TBCE: variants seen among roughly 807,000 people sequenced by gnomAD.
TBCE encodes tubulin-specific chaperone E.
TBCE carries 53 observed loss-of-function variants against 77.0 expected under a neutral mutation model. The ratio of observed to expected loss-of-function variants is 0.69; its 90% confidence interval spans 0.55 to 0.87. TBCE has a LOEUF of 0.87. Among genes scored for constraint, TBCE ranks in the 40% least tolerant of loss-of-function variants. The pLI is 0.00. For synonymous variants in TBCE, 235 were observed against 241.3 expected (o/e 0.97, Z 0.24); for missense variants, 624 against 622.4 (o/e 1.00, Z -0.03).
intron 5 of TBCE, among the ~76,000 whole-genome samples, chr1:235,420,296 T>C (rs376584241): frequency 1.1e-3 from 172 of 151,364 alleles, no homozygotes; most frequent in African/African-American, 4.0e-3. Flanking sequence ...GCTTCAGCCC[T>C]GGTCTGTTTT....
At chr1:235,385,724 A>T (rs1265304207) in intron 2 of TBCE, among the ~76,000 whole-genome samples, 2 of 151,904 alleles carry the variant, frequency 1.3e-5, no homozygotes, top group African/African-American at 4.8e-5. Flanking sequence ...TGCCTGTGAG[A>T]TGGGTTTCCT....
At chr1:235,441,962 T>C (rs1681906245) in intron 14 of TBCE, 80 bp downstream of exon 14, 11 of 1,281,114 alleles carry the variant, frequency 8.6e-6, no homozygotes, top group Non-Finnish European at 1.1e-5. Flanking sequence ...CTCTTAAGTG[T>C]GTACCTCTTA....
chr1:235,418,172 C>T (rs1048844970), intron 4 of TBCE, among the ~76,000 whole-genome samples: 2 of 152,070 alleles, frequency 1.3e-5, no homozygotes, highest in African/African-American at 4.8e-5. Flanking sequence ...AATTTCCTTC[C>T]TTTTTTTTAA....
At chr1:235,382,473 C>A (rs1435477062) in intron 2 of TBCE, among the ~76,000 whole-genome samples, 1 of 152,092 alleles carries the variant, frequency 6.6e-6, no homozygotes, top group East Asian at 1.9e-4. Flanking sequence ...CTCTCCAGCA[C>A]CTGTTGTTTC....
intron 3 of TBCE, among the ~76,000 whole-genome samples, chr1:235,410,786 T>C (rs1031870109): frequency 3.4e-4 from 51 of 152,202 alleles, no homozygotes; most frequent in African/African-American, 1.1e-3. Context: ...TTCTTTATGC[T>C]GAACAGGGGT....
intron 2 of TBCE, 124 bp from the exon 3 acceptor site, chr1:235,401,379 C>G: frequency 1.3e-6 from 1 of 784,242 alleles, no homozygotes; most frequent in South Asian, 1.4e-5. Context: ...CTTGTCCATT[C>G]CCTCCTCCCC....
intron 2 of TBCE, among the ~76,000 whole-genome samples, chr1:235,397,610 G>A (rs1299635994): frequency 6.6e-6 from 1 of 152,142 alleles, no homozygotes; most frequent in Non-Finnish European, 1.5e-5. Flanking sequence ...ATTATGATTG[G>A]CTTTTCATGT....
At chr1:235,396,454 G>C (rs936829270) in intron 2 of TBCE, among the ~76,000 whole-genome samples, 5 of 152,202 alleles carry the variant, frequency 3.3e-5, no homozygotes, top group Non-Finnish European at 5.9e-5. Context: ...GTAAACATAG[G>C]AGTGCAGATG....
intron 5 of TBCE, among the ~76,000 whole-genome samples, chr1:235,425,855 A>G (rs1464059615): frequency 6.6e-6 from 1 of 151,998 alleles, no homozygotes; most frequent in African/African-American, 2.4e-5. Flanking sequence ...CTCTGCTCAG[A>G]TGCCCTCTTA....
At chr1:235,447,101 G>A (rs941347673) in intron 15 of TBCE, among the ~76,000 whole-genome samples, 5 of 152,102 alleles carry the variant, frequency 3.3e-5, no homozygotes, top group African/African-American at 4.8e-5. Context: ...AAGCCAGTCC[G>A]TCTCAATCTT....
chr1:235,421,098 G>A (rs1284211997), intron 5 of TBCE, among the ~76,000 whole-genome samples: 1 of 152,190 alleles, frequency 6.6e-6, no homozygotes, highest in Non-Finnish European at 1.5e-5. Flanking sequence ...AAGCAAAAAT[G>A]TTGGAGGTAG....
At chr1:235,391,188 T>C (rs1241441041) in intron 2 of TBCE, among the ~76,000 whole-genome samples, 3 of 152,018 alleles carry the variant, frequency 2.0e-5, no homozygotes, top group Non-Finnish European at 4.4e-5. Context: ...GTTTCAAAAA[T>C]ATAGAAAGTA....
chr1:235,419,319 G>T lies in TBCE; in HGVS notation c.372-154G>T. ...ATTTGTAGTGCTCTTTTTCTTTTTT[G>T]TAATGCTTTATTTCTTAATTTGGGT... is the stretch of plus-strand genomic sequence containing the variant. On this transcript the variant is annotated intron_variant, in intron 4 of 16. Coordinates refer to ENST00000642610, the MANE Select transcript of TBCE (RefSeq NM_003193.5). 7 of 1,130,012 alleles carry T rather than the reference G, an allele frequency of 6.2e-6. No individual in the cohort carries two copies. In the Admixed American group the frequency reaches 1.1e-4, roughly 18 times the overall value. The allele number at this position is 1,130,012 out of a possible 1,614,324, so 70.0% of individuals were successfully genotyped here. A position where few individuals can be genotyped will look rare whatever the true frequency, so the allele number is the denominator to read the frequency against.
intron 5 of TBCE, among the ~76,000 whole-genome samples, chr1:235,426,871 C>T (rs1322766413): frequency 3.9e-5 from 6 of 152,208 alleles, no homozygotes; most frequent in Non-Finnish European, 7.3e-5. Context: ...TCTTGAACTC[C>T]TGACCTCAAG....
At chr1:235,402,884 G>C (rs905151375) in intron 3 of TBCE, among the ~76,000 whole-genome samples, 1 of 152,100 alleles carries the variant, frequency 6.6e-6, no homozygotes, top group African/African-American at 2.4e-5. Context: ...TCCCACCTCG[G>C]CTTCTCAAAG....
At chr1:235,409,951 A>C (rs1679683046) in intron 3 of TBCE, among the ~76,000 whole-genome samples, 1 of 147,120 alleles carries the variant, frequency 6.8e-6, no homozygotes, top group Non-Finnish European at 1.5e-5. Context: ...AATGGCGTGA[A>C]CCCGGGAGTT....
chr1:235,436,890 G>T (rs933210738), intron 11 of TBCE, among the ~76,000 whole-genome samples: 1 of 151,522 alleles, frequency 6.6e-6, no homozygotes, highest in East Asian at 1.9e-4. Context: ...AGGTCGAGGC[G>T]GGCGGATCAC....
chr1:235,404,673 T>A lies in TBCE; in HGVS notation c.185+3086T>A, dbSNP rs535511083. Among the ~76,000 whole-genome samples the A allele has an allele frequency of 5.7e-3, 833 of 145,472 alleles. 6 individuals are homozygous for A. The highest frequency in any genetic ancestry group is 0.02 in the African/African-American group (810 of 40,134). On this transcript the variant is annotated intron_variant, in intron 3 of 16. Coordinates refer to ENST00000642610, the MANE Select transcript of TBCE (RefSeq NM_003193.5). ...ACTTTTTTATGTTATAAACTTTAAA[T>A]TTTTTTTTTTTTTGGGATGGATTCT...
intron 2 of TBCE, among the ~76,000 whole-genome samples, chr1:235,388,964 G>A (rs1678201534): frequency 6.6e-6 from 1 of 152,172 alleles, no homozygotes; most frequent in African/African-American, 2.4e-5. Flanking sequence ...GTGATGATCT[G>A]TCACTAGGTT....
Sources: gnomAD v4.1 joint callset for allele counts (sites outside exome capture counted in the v4.1 genomes callset) on GRCh38, gnomAD v4.1.1 for gene constraint, MANE v1.5 for transcripts, NCBI Gene and HGNC (gene_info 2026-07-23, HGNC 2026-07-21) for gene names.